Variants in NUP153 observed in about 807,000 individuals in gnomAD.
The protein encoded by NUP153 is nucleoporin 153, also known as nuclear pore complex protein Nup153.
A neutral mutation model predicts 134.6 loss-of-function variants in NUP153; 27 were observed. That is an observed-to-expected ratio of 0.20 (90% CI 0.15 to 0.28). NUP153 has a LOEUF of 0.28. Ranked by LOEUF, NUP153 falls within the 10% of genes least tolerant of loss-of-function variation. The pLI is 1.00. For missense variants in NUP153, 1,821 were observed against 1,731.3 expected (o/e 1.05, Z -0.92); for synonymous variants, 640 against 623.5 (o/e 1.03, Z -0.40).
chr6:17,654,242 C>G (rs890644920), intron 11 of NUP153, among the ~76,000 whole-genome samples: 3 of 152,148 alleles, frequency 2.0e-5, no homozygotes, highest in Non-Finnish European at 2.9e-5. Context: ...AAAACATCAA[C>G]TATATAATCT....
intron 1 of NUP153, among the ~76,000 whole-genome samples, chr6:17,703,310 AATGAACAC>A (rs1215458988): frequency 6.6e-6 from 1 of 152,182 alleles, no homozygotes; most frequent in Non-Finnish European, 1.5e-5. Flanking sequence ...TTACAAGTCA[AATGAACAC>A]ATGCAGAAGT....
intron 11 of NUP153, among the ~76,000 whole-genome samples, chr6:17,656,957 G>C (rs1766856883): frequency 6.6e-6 from 1 of 152,164 alleles, no homozygotes; most frequent in South Asian, 2.1e-4. Context: ...ATTTCAGTCA[G>C]TTTTGTTATC....
chr6:17,632,773 C>G lies in NUP153; in HGVS notation c.2536G>C (p.Glu846Gln). 6.3e-7 allele frequency: 1 copy of G among 1,593,366 alleles called. No homozygotes were observed. Among genetic ancestry groups the G allele is most frequent in the South Asian group, 1.1e-5 (1 of 90,890 alleles). ...SLPSGGSLGL[E>Q]KFKKPEGSWD... ...CTTCCCTCGGGTTTCTTGAACTTTT[C>G]CAATCCTAGAGAGCCTCCAGAAGGC... The change falls in exon 17 of 22, where the codon GAA becomes CAA. Residue 846 changes from glutamate to glutamine, a missense_variant. By Grantham distance (29) the Glu-to-Gln change is conservative. Coordinates refer to ENST00000262077, the MANE Select transcript of NUP153 (RefSeq NM_005124.4).
In NUP153 at chr6:17,625,764, A is replaced by G; in HGVS notation, c.3901+44T>C. 1 of 1,419,246 alleles carries G rather than the reference A, an allele frequency of 7.0e-7. No homozygotes were observed. The highest frequency in any genetic ancestry group is 9.9e-7 in the Non-Finnish European group (1 of 1,009,792). The allele number at this position is 1,419,246 out of a possible 1,614,324, so 87.9% of individuals were successfully genotyped here. On this transcript the variant is annotated intron_variant, in intron 19 of 21. Coordinates refer to ENST00000262077, the MANE Select transcript of NUP153 (RefSeq NM_005124.4). The surrounding 1 kb of genome is among the most constrained non-coding windows in gnomAD (Gnocchi z 4.7). Reference sequence around the variant, plus strand: ...GCTAAGAACTGACACACTAATAAGTAAAGTCCATCCAATTACAATGCATTT... The same window carrying G: ...GCTAAGAACTGACACACTAATAAGTGAAGTCCATCCAATTACAATGCATTT...
At chr6:17,701,557 G>T (rs1286523129) in intron 1 of NUP153, among the ~76,000 whole-genome samples, 18 of 151,232 alleles carry the variant, frequency 1.2e-4, no homozygotes, top group African/African-American at 4.4e-4. Context: ...AGCTACTCGG[G>T]AGGCTGAGGC....
At position 17,649,077 on chromosome 6, in the gene NUP153, A is replaced by G; in HGVS notation, c.1533+86T>C. ...GTTATTAATTTCCATAATGAAAATT[A>G]AACACTGTTTATAATATAGGGTTTT... On this transcript the variant is annotated intron_variant, in intron 12 of 21. Transcript: ENST00000262077. The G allele has an allele frequency of 2.5e-6, 3 of 1,220,242 alleles. No homozygotes were observed. The South Asian group carries it at 5.0e-5, about 20-fold the overall frequency. The allele number at this position is 1,220,242 out of a possible 1,614,324, so 75.6% of individuals were successfully genotyped here. A position where few individuals can be genotyped will look rare whatever the true frequency, so the allele number is the denominator to read the frequency against.
chr6:17,660,451 A>T (rs1581719521), intron 11 of NUP153, among the ~76,000 whole-genome samples: 1 of 152,164 alleles, frequency 6.6e-6, no homozygotes, highest in African/African-American at 2.4e-5. Context: ...AGAGCAATAT[A>T]TAGACAGAAA....
Position 17,624,734 on chromosome 6 carries a change from C to T in NUP153, c.4001G>A (p.Ser1334Asn), listed in dbSNP as rs757568573. ...TCCAAAGCCTGGGGGATTGGGCTGG[C>T]TGGCACCTTGACTTTGTCCAAATGT... is the stretch of plus-strand genomic sequence containing the variant. ...TPTFGQSQGASQPNPPGFGSI... is the reference protein window; with the variant it reads ...TPTFGQSQGANQPNPPGFGSI... Residue 1334 changes from serine to asparagine, a missense_variant, in exon 20 of 22, where the codon AGC becomes AAC. Physicochemically the swap from Ser to Asn is conservative, Grantham distance 46. Coordinates refer to ENST00000262077, the MANE Select transcript of NUP153 (RefSeq NM_005124.4). The T allele has an allele frequency of 6.2e-7, 1 of 1,614,132 alleles. No homozygotes were observed. Among genetic ancestry groups the T allele is most frequent in the South Asian group, 1.1e-5 (1 of 91,074 alleles).
At position 17,629,103 on chromosome 6, in the gene NUP153, G is replaced by A. The variant is rs751970853; in HGVS notation, c.3096C>T (p.Thr1032=). The A allele has an allele frequency of 1.2e-6, 2 of 1,614,028 alleles. No individual in the cohort carries two copies. Among genetic ancestry groups the A allele is most frequent in the African/African-American group, 2.7e-5 (2 of 74,904 alleles). Reference sequence around the variant, plus strand: ...TCACTATGGTGTTAGCAGGAGCAGGGGTGGAGTTAATAACACCTGTACCAA... The same window carrying A: ...TCACTATGGTGTTAGCAGGAGCAGGAGTGGAGTTAATAACACCTGTACCAA... ...FSFGTGVINS[T]PAPANTIVTS... The change falls in exon 18 of 22, where the codon ACC becomes ACT. Residue 1032 remains threonine (T), a synonymous_variant. Transcript: ENST00000262077.
chr6:17,703,013 C>T (rs1399726922), intron 1 of NUP153, among the ~76,000 whole-genome samples: 1 of 121,884 alleles, frequency 8.2e-6, no homozygotes, highest in Non-Finnish European at 1.9e-5. Flanking sequence ...CCAGCCTGAC[C>T]AACATGGCGA....
chr6:17,678,673 G>A (rs1484649830), intron 2 of NUP153, among the ~76,000 whole-genome samples: 1 of 152,204 alleles, frequency 6.6e-6, no homozygotes, highest in African/African-American at 2.4e-5. Flanking sequence ...GCTGGACACA[G>A]TGGCTCACGC....
chr6:17,668,180 A>AGG (rs1442538076), intron 8 of NUP153, among the ~76,000 whole-genome samples: 1 of 142,694 alleles, frequency 7.0e-6, no homozygotes, highest in African/African-American at 2.6e-5. Context: ...GGTTCAAGTG[A>AGG]TTCTCCTGCC....
rs1415672862 is a variant in NUP153, at chr6:17,706,286, T to C, written c.102A>G (p.Gln34=). The change falls in exon 1 of 22, where the codon CAA becomes CAG. Residue 34 remains glutamine (Q), a synonymous_variant. Coordinates refer to ENST00000262077, the MANE Select transcript of NUP153 (RefSeq NM_005124.4). The surrounding 1 kb of genome is among the most constrained non-coding windows in gnomAD (Gnocchi z 5.9). Reference sequence around the variant, plus strand: ...CGTCGGGGTCCCATACCTGATGCTGTTGTCGCCCCTGCTGGTAAGGCTTAA... The same window carrying C: ...CGTCGGGGTCCCATACCTGATGCTGCTGTCGCCCCTGCTGGTAAGGCTTAA... The part of the protein sequence containing the change: ...GPIKPYQQGR[Q]QHQGILSRVT... The C allele has an allele frequency of 1.9e-6, 3 of 1,613,010 alleles. No individual in the cohort carries two copies. Among genetic ancestry groups the C allele is most frequent in the East Asian group, 2.2e-5 (1 of 44,842 alleles).
In NUP153 at chr6:17,657,401, T is replaced by C. The variant is rs12208946; in HGVS notation, c.1395+4252A>G. ...CTACTAAAATAAAAAAATAAAAAAA[T>C]AAAAAAAAAAAAAATAGCTAGCCTT... is the stretch of plus-strand genomic sequence containing the variant. On this transcript the variant is annotated intron_variant, in intron 11 of 21. Coordinates refer to ENST00000262077, the MANE Select transcript of NUP153 (RefSeq NM_005124.4). Among the ~76,000 whole-genome samples, 3 of 140,416 alleles carry C rather than the reference T, an allele frequency of 2.1e-5. No homozygotes were observed. In the South Asian group the frequency reaches 6.7e-4, roughly 31 times the overall value. 92.1% of individuals were successfully genotyped at this position (140,416 alleles called of 152,430 possible).
chr6:17,701,844 G>GGGGGA lies in NUP153; in HGVS notation c.111+4432_111+4433insTCCCC, dbSNP rs1554148666. Among the ~76,000 whole-genome samples the GGGGGA allele has an allele frequency of 7.2e-4, 59 of 81,726 alleles. 6 individuals carry two copies. Among genetic ancestry groups the GGGGGA allele is most frequent in the African/African-American group, 2.5e-3 (58 of 23,176 alleles). 53.6% of individuals were successfully genotyped at this position (81,726 alleles called of 152,430 possible). A position where few individuals can be genotyped will look rare whatever the true frequency, so the allele number is the denominator to read the frequency against. On this transcript the variant is annotated intron_variant, in intron 1 of 21. Coordinates refer to ENST00000262077, the MANE Select transcript of NUP153 (RefSeq NM_005124.4). The stretch of plus-strand genomic sequence containing the variant: ...CAAGACTCTGTCTCGGGGGGGGGGG[G>GGGGGA]AAAAAAGCTAAATGCAGGAACTGAC...
At chr6:17,667,800 T>G (rs1767630587) in intron 8 of NUP153, among the ~76,000 whole-genome samples, 2 of 152,144 alleles carry the variant, frequency 1.3e-5, no homozygotes, top group Non-Finnish European at 2.9e-5. Context: ...TAACAAAAGA[T>G]ACCTCTTTAA....
At chr6:17,647,337 C>G (rs1766249163) in intron 13 of NUP153, among the ~76,000 whole-genome samples, 1 of 152,136 alleles carries the variant, frequency 6.6e-6, no homozygotes, top group South Asian at 2.1e-4. Context: ...AATCAAGACA[C>G]ATGTTTTAAC....
chr6:17,668,699 A>C (rs1767703915), intron 8 of NUP153, among the ~76,000 whole-genome samples: 1 of 151,834 alleles, frequency 6.6e-6, no homozygotes, highest in African/African-American at 2.4e-5. Context: ...AAAAATGAGC[A>C]GGGCATGATG....
At chr6:17,663,204 G>A (rs1038051424) in intron 9 of NUP153, among the ~76,000 whole-genome samples, 1 of 150,154 alleles carries the variant, frequency 6.7e-6, no homozygotes, top group Non-Finnish European at 1.5e-5. Context: ...ATCTGTAGAA[G>A]TCCAATATTA....
Sources: gnomAD v4.1 joint callset for allele counts (sites outside exome capture counted in the v4.1 genomes callset) on GRCh38, gnomAD v4.1.1 for gene constraint, Gnocchi (gnomAD v3.1) non-coding constraint, MANE v1.5 for transcripts, NCBI Gene and HGNC (gene_info 2026-07-23, HGNC 2026-07-21) for gene names.